CTDSPL2: variants seen among roughly 807,000 people sequenced by gnomAD.
CTDSPL2 encodes CTD small phosphatase like 2, also known as CTD small phosphatase-like protein 2.
In CTDSPL2, 5 loss-of-function variants were observed where a neutral mutation model predicts 60.0. The ratio of observed to expected loss-of-function variants is 0.08; its 90% confidence interval spans 0.04 to 0.18. The LOEUF is 0.18. Ranked by LOEUF, CTDSPL2 falls within the 10% of genes least tolerant of loss-of-function variation. The pLI is 1.00. For missense variants in CTDSPL2, 370 were observed against 548.8 expected (o/e 0.67, Z 3.26); for synonymous variants, 186 against 189.3 (o/e 0.98, Z 0.14).
intron 1 of CTDSPL2, among the ~76,000 whole-genome samples, chr15:44,456,000 G>A (rs1382527279): frequency 3.3e-5 from 5 of 151,242 alleles, no homozygotes; most frequent in East Asian, 1.9e-4. Flanking sequence ...ACAGGCGCCC[G>A]CCACCTCGCC....
chr15:44,500,172 C>T (rs1244403733), intron 8 of CTDSPL2, among the ~76,000 whole-genome samples: 2 of 152,150 alleles, frequency 1.3e-5, no homozygotes, highest in South Asian at 4.1e-4. Flanking sequence ...CCAATTAATA[C>T]AAAGAAAACT....
At chr15:44,442,769 A>G (rs1461303503) in intron 1 of CTDSPL2, among the ~76,000 whole-genome samples, 1 of 152,110 alleles carries the variant, frequency 6.6e-6, no homozygotes, top group Non-Finnish European at 1.5e-5. Flanking sequence ...TGAGCCCAGG[A>G]GTTTGAGACC....
At chr15:44,486,000 G>A (rs945848569) in intron 3 of CTDSPL2, among the ~76,000 whole-genome samples, 2 of 152,158 alleles carry the variant, frequency 1.3e-5, no homozygotes, top group Non-Finnish European at 2.9e-5. Flanking sequence ...TTGATTTACA[G>A]GAAACTTAAA....
In CTDSPL2 at chr15:44,486,653, C is replaced by T. The variant is rs1405928360; in HGVS notation, c.428C>T (p.Thr143Ile). 1 of 1,593,712 alleles carries T rather than the reference C, an allele frequency of 6.3e-7. No homozygotes were observed. The highest frequency in any genetic ancestry group is 8.5e-7 in the Non-Finnish European group (1 of 1,172,654). The change falls in exon 4 of 13, where the codon ACC becomes ATC. Residue 143 changes from threonine to isoleucine, a missense_variant. Coordinates refer to ENST00000260327, the MANE Select transcript of CTDSPL2 (RefSeq NM_016396.3). ...CCTCCAAGGACTACTTTGTTGGGGA[C>T]CATATTTTCACCTGTCTTCAACTTT... Reference protein sequence around the residue: ...GSPPRTTLLGTIFSPVFNFFS... With the variant: ...GSPPRTTLLGIIFSPVFNFFS...
chr15:44,475,660 T>C (rs546960321), intron 2 of CTDSPL2, among the ~76,000 whole-genome samples: 3 of 152,100 alleles, frequency 2.0e-5, no homozygotes, highest in Admixed American at 2.0e-4. Context: ...AAAAAGATTC[T>C]TCAGACGCTT....
chr15:44,498,075 T>C (rs1036581012), intron 7 of CTDSPL2, among the ~76,000 whole-genome samples: 3 of 152,184 alleles, frequency 2.0e-5, no homozygotes, highest in Admixed American at 2.0e-4. Flanking sequence ...CCAAATTTAA[T>C]ATATAGTCAC....
intron 8 of CTDSPL2, among the ~76,000 whole-genome samples, chr15:44,512,506 A>C (rs1316257612): frequency 6.6e-6 from 1 of 152,212 alleles, no homozygotes; most frequent in African/African-American, 2.4e-5. Context: ...CTTAACCATC[A>C]CAAATCTGTT....
chr15:44,511,695 C>T (rs1338474532), intron 8 of CTDSPL2, among the ~76,000 whole-genome samples: 2 of 151,582 alleles, frequency 1.3e-5, no homozygotes, highest in Non-Finnish European at 2.9e-5. Context: ...ACGGTGAAAA[C>T]CGTCTCTATT....
chr15:44,449,026 A>G, intron 1 of CTDSPL2: 1 of 335,722 alleles, frequency 3.0e-6, no homozygotes, highest in Middle Eastern at 4.0e-4. Context: ...AGTTTCTTCC[A>G]GCCAACTTTG....
intron 2 of CTDSPL2, among the ~76,000 whole-genome samples, chr15:44,466,126 G>A (rs1167280576): frequency 6.6e-6 from 1 of 151,562 alleles, no homozygotes; most frequent in Non-Finnish European, 1.5e-5. Flanking sequence ...TAGTAGAGAC[G>A]GGGTTTCACC....
At chr15:44,486,738 T>TA (rs375633545) in intron 4 of CTDSPL2, 38 bp downstream of exon 4, 38 of 1,327,948 alleles carry the variant, frequency 2.9e-5, no homozygotes, top group East Asian at 8.0e-5. Flanking sequence ...GGATTTTTTT[T>TA]AAAAAAATGC....
intron 5 of CTDSPL2, among the ~76,000 whole-genome samples, chr15:44,493,906 G>T (rs760865671): frequency 1.2e-4 from 19 of 152,052 alleles, no homozygotes; most frequent in Non-Finnish European, 2.5e-4. Context: ...GAAGCATAAT[G>T]TCAGAGATGA....
At chr15:44,458,460 C>G (rs1567070713) in intron 1 of CTDSPL2, among the ~76,000 whole-genome samples, 2 of 152,190 alleles carry the variant, frequency 1.3e-5, no homozygotes, top group Non-Finnish European at 2.9e-5. Flanking sequence ...GATCCACATT[C>G]TGTTGTTACA....
chr15:44,457,873 A>G (rs1283115666), intron 1 of CTDSPL2, among the ~76,000 whole-genome samples: 2 of 152,212 alleles, frequency 1.3e-5, no homozygotes, highest in African/African-American at 2.4e-5. Context: ...TGGCCTTCCA[A>G]AGTGCTGGGA....
chr15:44,520,790 A>G (rs943941978), intron 11 of CTDSPL2: 31 of 152,142 alleles, frequency 2.0e-4, no homozygotes, highest in African/African-American at 7.0e-4. Context: ...TCTTGTTTTT[A>G]GGCTCCTCTT....
At chr15:44,493,034 T>G (rs1358487507) in intron 5 of CTDSPL2, among the ~76,000 whole-genome samples, 1 of 152,214 alleles carries the variant, frequency 6.6e-6, no homozygotes, top group Non-Finnish European at 1.5e-5. Context: ...AATTAAGATA[T>G]ACTATAGTTG....
intron 2 of CTDSPL2, among the ~76,000 whole-genome samples, chr15:44,473,456 C>A (rs1422228859): frequency 6.6e-6 from 1 of 152,060 alleles, no homozygotes; most frequent in African/African-American, 2.4e-5. Flanking sequence ...CCACCACGCC[C>A]AGCTAATATT....
chr15:44,482,445 A>AATGT (rs1170999379), intron 2 of CTDSPL2, among the ~76,000 whole-genome samples: 2 of 152,168 alleles, frequency 1.3e-5, no homozygotes, highest in African/African-American at 4.8e-5. Context: ...GGTTTTCATG[A>AATGT]ATGTATGTAT....
At chr15:44,427,927 A>C in intron 1 of CTDSPL2, 155 bp downstream of exon 1, 2 of 365,814 alleles carry the variant, frequency 5.5e-6, no homozygotes, top group Non-Finnish European at 9.7e-6. Flanking sequence ...TCGTACGTCC[A>C]CTGTGCGGAG....
Sources: gnomAD v4.1 joint callset for allele counts (sites outside exome capture counted in the v4.1 genomes callset) on GRCh38, gnomAD v4.1.1 for gene constraint, MANE v1.5 for transcripts, NCBI Gene and HGNC (gene_info 2026-07-23, HGNC 2026-07-21) for gene names.